Variants in RAB11FIP3 observed in about 807,000 individuals in gnomAD.
RAB11FIP3 encodes the protein rab11 family-interacting protein 3.
RAB11FIP3 carries 17 observed loss-of-function variants against 77.8 expected under a neutral mutation model. The observed-to-expected ratio is 0.22, with a 90% CI of 0.15 to 0.33. RAB11FIP3 has a LOEUF of 0.33. Ranked by LOEUF, RAB11FIP3 falls within the 10% of genes least tolerant of loss-of-function variation. The pLI is 1.00. For missense variants in RAB11FIP3, 1,005 were observed against 1,011.2 expected (o/e 0.99, Z 0.08); for synonymous variants, 437 against 448.2 (o/e 0.98, Z 0.31).
rs751610526 is a variant in RAB11FIP3, at chr16:461,545, C to T, written c.808+48C>T. 2.0e-5 allele frequency: 30 copies of T among 1,506,572 alleles called. 1 individual carries two copies. In the Admixed American group the frequency reaches 2.0e-4, roughly 10 times the overall value. 93.3% of individuals were successfully genotyped at this position (1,506,572 alleles called of 1,614,324 possible). A position where few individuals can be genotyped will look rare whatever the true frequency, so the allele number is the denominator to read the frequency against. On this transcript the variant is annotated intron_variant, in intron 2 of 13. Transcript: ENST00000262305. The surrounding 1 kb of genome is among the most constrained non-coding windows in gnomAD (Gnocchi z 4.5). Reference sequence around the variant, plus strand: ...TCCCACCTCCTCTCCCGTTCCTCAGCCACCCTCTCAGCCACCTGCACATCA... The same window carrying T: ...TCCCACCTCCTCTCCCGTTCCTCAGTCACCCTCTCAGCCACCTGCACATCA...
chr16:494,351 G>A (rs149323655), intron 5 of RAB11FIP3, among the ~76,000 whole-genome samples: 161 of 151,720 alleles, frequency 1.1e-3, no homozygotes, highest in Non-Finnish European at 1.9e-3. Flanking sequence ...GGCTGGGTGC[G>A]GTGGCTCATG....
chr16:498,454 C>T (rs2031297811), intron 6 of RAB11FIP3, among the ~76,000 whole-genome samples: 3 of 152,232 alleles, frequency 2.0e-5, no homozygotes, highest in South Asian at 4.1e-4. Flanking sequence ...GGATCACAGG[C>T]ATGAGCCGTC....
intron 7 of RAB11FIP3, 138 bp downstream of exon 7, chr16:503,235 GTCCA>G (rs766626253): frequency 6.3e-6 from 4 of 638,678 alleles, no homozygotes; most frequent in Admixed American, 3.3e-5. Flanking sequence ...TCCCCAGACT[GTCCA>G]TCCAGCCCCG....
chr16:454,155 T>C (rs1228783221), intron 1 of RAB11FIP3, among the ~76,000 whole-genome samples: 1 of 152,140 alleles, frequency 6.6e-6, no homozygotes, highest in Non-Finnish European at 1.5e-5. Context: ...ACACACCCAG[T>C]TAAAAGCAAA....
Position 510,787 on chromosome 16 carries a change from A to C in RAB11FIP3, c.1627A>C (p.Asn543His). The C allele has an allele frequency of 1.9e-6, 3 of 1,613,228 alleles. No homozygotes were observed. The highest frequency in any genetic ancestry group is 1.7e-6 in the Non-Finnish European group (2 of 1,179,750). The change falls in exon 9 of 14, where the codon AAC becomes CAC. Residue 543 changes from asparagine to histidine, a missense_variant. Asn to His is a moderately conservative substitution (Grantham distance 68). This residue lies in a region of RAB11FIP3 where 433 missense variants were observed against 436.1 expected (regional missense o/e 0.99). Transcript: ENST00000262305. ...MEREKSIEIE[N>H]LQTRLQQLDE... is the part of the protein sequence containing the mutation. ...GAGGGAGAAGAGCATTGAGATCGAG[A>C]ACCTGCAGACCAGGTAGGCGGTTCC...
At chr16:443,776 G>A (rs574533940) in intron 1 of RAB11FIP3, among the ~76,000 whole-genome samples, 1 of 152,202 alleles carries the variant, frequency 6.6e-6, no homozygotes, top group Non-Finnish European at 1.5e-5. Context: ...ATGTTAGCCA[G>A]GATGATCTAG....
Position 520,267 on chromosome 16 carries a change from G to A in RAB11FIP3, c.2006G>A (p.Arg669Lys), listed in dbSNP as rs2032622115. ...AGCGAGCTGGAGCAGGAGGTCCGCA[G>A]GCTGAAGCAGGTGGGCAGGCCTGGG... ...RESELEQEVR[R>K]LKQDNRNLKE... The change falls in exon 12 of 14, where the codon AGG (arginine) becomes AAG (lysine). Residue 669 changes from arginine (R) to lysine (K), a missense_variant. Arg to Lys is a conservative substitution (Grantham distance 26). Around this residue, in one of 4 missense-constraint regions of RAB11FIP3, gnomAD observed 90 missense variants for 129.7 expected, o/e 0.69. Transcript: ENST00000262305. The A allele has an allele frequency of 6.5e-7, 1 of 1,545,858 alleles. No homozygotes were observed. Among genetic ancestry groups the A allele is most frequent in the African/African-American group, 1.4e-5 (1 of 73,362 alleles).
At chr16:462,563 C>T (rs537589318) in intron 2 of RAB11FIP3, among the ~76,000 whole-genome samples, 5 of 152,178 alleles carry the variant, frequency 3.3e-5, no homozygotes, top group East Asian at 3.9e-4. Flanking sequence ...CTTGAGGGTT[C>T]GCGTGCTCTC....
intron 2 of RAB11FIP3, among the ~76,000 whole-genome samples, chr16:469,883 G>A (rs2055778713): frequency 6.6e-6 from 1 of 152,122 alleles, no homozygotes; most frequent in African/African-American, 2.4e-5. Context: ...CTGGAATGTA[G>A]TGGTGCAGTC....
At chr16:449,080 G>A (rs2055365293) in intron 1 of RAB11FIP3, among the ~76,000 whole-genome samples, 1 of 152,158 alleles carries the variant, frequency 6.6e-6, no homozygotes. Context: ...ACTCTACACA[G>A]TAGAGTCCTC....
chr16:462,449 G>A (rs2055623658), intron 2 of RAB11FIP3, among the ~76,000 whole-genome samples: 1 of 152,082 alleles, frequency 6.6e-6, no homozygotes, highest in Non-Finnish European at 1.5e-5. Flanking sequence ...TGGCGGGGCT[G>A]GTCTTGAACT....
chr16:447,777 G>T (rs1427190704), intron 1 of RAB11FIP3, among the ~76,000 whole-genome samples: 1 of 152,142 alleles, frequency 6.6e-6, no homozygotes, highest in African/African-American at 2.4e-5. Context: ...AATTATACCT[G>T]TCTCCCTACA....
chr16:488,608 CCT>C (rs1379922144), intron 4 of RAB11FIP3, among the ~76,000 whole-genome samples: 5 of 152,030 alleles, frequency 3.3e-5, no homozygotes, highest in African/African-American at 1.2e-4. Context: ...GAGGCCTCCC[CCT>C]GTTGCCCAGG....
At chr16:495,763 C>T (rs2031069504) in intron 5 of RAB11FIP3, among the ~76,000 whole-genome samples, 1 of 152,036 alleles carries the variant, frequency 6.6e-6, no homozygotes, top group Non-Finnish European at 1.5e-5. Flanking sequence ...TTCTTTTTTT[C>T]TTTGAGACAG....
intron 7 of RAB11FIP3, among the ~76,000 whole-genome samples, chr16:504,902 C>G (rs1334801295): frequency 2.4e-5 from 1 of 42,272 alleles, no homozygotes; most frequent in African/African-American, 1.2e-4. Flanking sequence ...CCCCCACCTC[C>G]TCCTATACCC....
At chr16:510,023 C>T (rs190683601) in intron 8 of RAB11FIP3, among the ~76,000 whole-genome samples, 1 of 152,346 alleles carries the variant, frequency 6.6e-6, no homozygotes, top group East Asian at 1.9e-4. Flanking sequence ...CACCTCCACG[C>T]CCCGTCCCGA....
intron 5 of RAB11FIP3, among the ~76,000 whole-genome samples, chr16:492,292 T>C (rs2141789501): frequency 6.8e-6 from 1 of 147,488 alleles, no homozygotes; most frequent in East Asian, 2.0e-4. Context: ...CCGGCACTGA[T>C]GGCCATTCTG....
At chr16:435,063 G>A (rs2055105981) in intron 1 of RAB11FIP3, among the ~76,000 whole-genome samples, 1 of 152,084 alleles carries the variant, frequency 6.6e-6, no homozygotes, top group Admixed American at 6.6e-5. Context: ...AAATTAGCCG[G>A]GCGTAGTGGC....
At chr16:443,202 A>G (rs996465791) in intron 1 of RAB11FIP3, among the ~76,000 whole-genome samples, 3 of 152,146 alleles carry the variant, frequency 2.0e-5, no homozygotes, top group African/African-American at 7.2e-5. Context: ...AGACTAAGAA[A>G]TACCAAGCAG....
Sources: gnomAD v4.1 joint callset for allele counts (sites outside exome capture counted in the v4.1 genomes callset) on GRCh38, gnomAD v4.1.1 for gene constraint, gnomAD v4.1.1 regional missense constraint, Gnocchi (gnomAD v3.1) non-coding constraint, MANE v1.5 for transcripts, NCBI Gene and HGNC (gene_info 2026-07-23, HGNC 2026-07-21) for gene names.